The following KCNIP4 variants were observed in gnomAD, a reference collection of about 807,000 sequenced individuals.
KCNIP4 encodes Kv channel-interacting protein 4.
In KCNIP4, 12 loss-of-function variants were observed where a neutral mutation model predicts 34.0. That is an observed-to-expected ratio of 0.35 (90% CI 0.23 to 0.57). The LOEUF is 0.57. Among genes scored for constraint, KCNIP4 ranks in the 20% least tolerant of loss-of-function variants. KCNIP4 has a pLI of 0.83. For synonymous variants in KCNIP4, 124 were observed against 102.2 expected, an observed-to-expected ratio of 1.21 and a Z score of -1.29; for missense variants, 238 against 311.7, an observed-to-expected ratio of 0.76 and a Z score of 1.78.
intron 1 of KCNIP4, among the ~76,000 whole-genome samples, chr4:21,666,768 C>T (rs1748995413): frequency 6.6e-6 from 1 of 152,024 alleles, no homozygotes. Context: ...AGAATAGAAC[C>T]TTCTCTACAT....
At chr4:21,757,231 G>GAAAGAAAA (rs1717688926) in intron 1 of KCNIP4, among the ~76,000 whole-genome samples, 1 of 27,606 alleles carries the variant, frequency 3.6e-5, no homozygotes, top group Non-Finnish European at 7.2e-5. Flanking sequence ...AAGAAAGAAA[G>GAAAGAAAA]AAAGAAAGAA....
At chr4:21,542,257 C>T (rs1737771019) in intron 1 of KCNIP4, among the ~76,000 whole-genome samples, 1 of 152,120 alleles carries the variant, frequency 6.6e-6, no homozygotes, top group African/African-American at 2.4e-5. Context: ...ATGAGCATCA[C>T]TGGAAGTCCC....
chr4:21,188,372 A>T lies in KCNIP4; in HGVS notation c.62-305663T>A, dbSNP rs1477785585. Among the ~76,000 whole-genome samples, 4 of 152,202 alleles carry T rather than the reference A, an allele frequency of 2.6e-5. No individual in the cohort carries two copies. The East Asian group carries it at 5.8e-4, about 22-fold the overall frequency. ...CAGCTGCAAGCAACCAAAGGCCACA[A>T]GTCCCAAAGAAGCAATCTAATCAAA... On this transcript the variant is annotated intron_variant, in intron 1 of 8. Transcript: ENST00000382152.
chr4:21,506,621 C>A (rs979589342), intron 1 of KCNIP4, among the ~76,000 whole-genome samples: 35 of 152,106 alleles, frequency 2.3e-4, no homozygotes, highest in Admixed American at 2.0e-4. Flanking sequence ...TCATTCATTT[C>A]TTTACCCCCA....
At chr4:21,779,433 A>G (rs1469985376) in intron 1 of KCNIP4, among the ~76,000 whole-genome samples, 1 of 152,194 alleles carries the variant, frequency 6.6e-6, no homozygotes, top group Non-Finnish European at 1.5e-5. Context: ...TTAAAACTCA[A>G]ATGTTCTTAT....
intron 1 of KCNIP4, among the ~76,000 whole-genome samples, chr4:21,118,971 C>T (rs1430961804): frequency 6.6e-6 from 1 of 152,104 alleles, no homozygotes; most frequent in Non-Finnish European, 1.5e-5. Flanking sequence ...TTTGAAATGA[C>T]AGAAAAATCA....
intron 1 of KCNIP4, among the ~76,000 whole-genome samples, chr4:21,067,366 G>T (rs748421187): frequency 1.3e-5 from 2 of 151,990 alleles, no homozygotes; most frequent in African/African-American, 2.4e-5. Flanking sequence ...TTCTGCCTGA[G>T]GAAGGGAGAG....
intron 3 of KCNIP4, among the ~76,000 whole-genome samples, chr4:20,831,385 C>T (rs563496852): frequency 1.3e-5 from 2 of 152,208 alleles, no homozygotes; most frequent in South Asian, 2.1e-4. Flanking sequence ...CATTGAACCA[C>T]ACATCCTCCC....
chr4:21,790,735 A>C (rs1577993312), intron 1 of KCNIP4, among the ~76,000 whole-genome samples: 1 of 152,210 alleles, frequency 6.6e-6, no homozygotes, highest in Middle Eastern at 3.4e-3. Flanking sequence ...ATTGCCTTAT[A>C]ATCTTAGAAA....
intron 1 of KCNIP4, among the ~76,000 whole-genome samples, chr4:21,562,059 C>T (rs575342126): frequency 6.6e-6 from 1 of 151,714 alleles, no homozygotes; most frequent in African/African-American, 2.4e-5. Context: ...CTCTGGTCAT[C>T]TACTGTGGAT....
At chr4:21,546,761 T>C (rs1297439087) in intron 1 of KCNIP4, among the ~76,000 whole-genome samples, 2 of 152,054 alleles carry the variant, frequency 1.3e-5, no homozygotes, top group Middle Eastern at 3.2e-3. Context: ...ATGCATACAT[T>C]AACATATCAT....
rs557454544 is a variant in KCNIP4, at chr4:21,043,580, C to T, written c.62-160871G>A. 2.1e-3 allele frequency among the ~76,000 whole-genome samples: 325 copies of T among 151,990 alleles called. 2 individuals are homozygous for T. The highest frequency in any genetic ancestry group is 7.3e-3 in the African/African-American group (302 of 41,474). On this transcript the variant is annotated intron_variant, in intron 1 of 8. Coordinates refer to ENST00000382152, the MANE Select transcript of KCNIP4 (RefSeq NM_025221.6). The stretch of plus-strand genomic sequence containing the variant: ...TCTCAAACTCCTGACCTCAAGTGAT[C>T]CACCCGCCTTGGCCTCTCAAAGTGC...
At chr4:21,925,318 G>A (rs981946209) in intron 1 of KCNIP4, among the ~76,000 whole-genome samples, 4 of 148,818 alleles carry the variant, frequency 2.7e-5, no homozygotes, top group African/African-American at 7.5e-5. Context: ...CCACCTATGA[G>A]TGAGAACATG....
chr4:21,580,818 G>T (rs1224165217), intron 1 of KCNIP4, among the ~76,000 whole-genome samples: 13 of 152,012 alleles, frequency 8.6e-5, no homozygotes, highest in Admixed American at 7.2e-4. Context: ...TAAAAACATG[G>T]TATACAGAAA....
chr4:20,841,695 T>C (rs1719738830), intron 3 of KCNIP4, among the ~76,000 whole-genome samples: 1 of 152,028 alleles, frequency 6.6e-6, no homozygotes, highest in Non-Finnish European at 1.5e-5. Flanking sequence ...TCCCCAATTT[T>C]ACTCTGATGT....
At chr4:20,860,592 C>G (rs1483635288) in intron 2 of KCNIP4, among the ~76,000 whole-genome samples, 5 of 152,240 alleles carry the variant, frequency 3.3e-5, no homozygotes, top group African/African-American at 1.2e-4. Flanking sequence ...ATTGCTTTAT[C>G]TCATTGATAA....
chr4:21,062,000 C>A (rs892546346), intron 1 of KCNIP4, among the ~76,000 whole-genome samples: 1 of 152,152 alleles, frequency 6.6e-6, no homozygotes. Context: ...ACATCTTGAT[C>A]TTTGACTTCC....
intron 1 of KCNIP4, among the ~76,000 whole-genome samples, chr4:21,871,421 AG>A (rs1387932100): frequency 2.0e-5 from 3 of 151,840 alleles, no homozygotes; most frequent in East Asian, 3.9e-4. Context: ...GACTGGATTA[AG>A]AAAATGTGGC....
At chr4:20,911,613 C>G (rs565817336) in intron 1 of KCNIP4, among the ~76,000 whole-genome samples, 2 of 152,098 alleles carry the variant, frequency 1.3e-5, no homozygotes, top group Non-Finnish European at 2.9e-5. Context: ...ATTGTTCTAC[C>G]GTCTTCCTGA....
Sources: allele counts gnomAD v4.1 joint callset (sites outside exome capture counted in the v4.1 genomes callset), GRCh38; gene constraint gnomAD v4.1.1; transcripts MANE v1.5; gene names NCBI Gene and HGNC (gene_info 2026-07-23, HGNC 2026-07-21).